Variants in KIF13A observed in about 807,000 individuals in gnomAD.
KIF13A encodes kinesin-like protein KIF13A.
In KIF13A, 79 loss-of-function variants were observed where a neutral mutation model predicts 212.2. That is an observed-to-expected ratio of 0.37 (90% CI 0.31 to 0.45). The LOEUF (loss-of-function observed/expected upper bound fraction) is 0.45. KIF13A is among the 20% of genes least tolerant of loss of function. The pLI, the probability that KIF13A is intolerant of heterozygous loss-of-function variation, is 1.00. For synonymous variants in KIF13A, 789 were observed against 808.6 expected, an observed-to-expected ratio of 0.98 and a Z score of 0.41; for missense variants, 1,901 against 2,209.0, an observed-to-expected ratio of 0.86 and a Z score of 2.79.
chr6:17,766,507 C>T (rs551251002), intron 38 of KIF13A, among the ~76,000 whole-genome samples: 5 of 152,056 alleles, frequency 3.3e-5, no homozygotes, highest in South Asian at 2.1e-4. Context: ...CAAAGTGCTG[C>T]GATTACAGGC....
intron 23 of KIF13A, among the ~76,000 whole-genome samples, chr6:17,795,498 G>A (rs1761953750): frequency 6.6e-6 from 1 of 151,886 alleles, no homozygotes; most frequent in Admixed American, 6.6e-5. Flanking sequence ...AGGAGGCTGA[G>A]GCAGGAGAAT....
At chr6:17,954,303 C>CAAAAA (rs71002291) in intron 2 of KIF13A, among the ~76,000 whole-genome samples, 2 of 107,216 alleles carry the variant, frequency 1.9e-5, no homozygotes, top group Non-Finnish European at 1.9e-5. Context: ...GACTCCATCT[C>CAAAAA]AAAAAAAAAA....
At chr6:17,976,951 A>T (rs1345933168) in intron 2 of KIF13A, among the ~76,000 whole-genome samples, 2 of 151,920 alleles carry the variant, frequency 1.3e-5, no homozygotes, top group East Asian at 3.9e-4. Flanking sequence ...AATATAAAAA[A>T]ATTAGCTGGG....
At chr6:17,939,774 C>T (rs777584261) in intron 2 of KIF13A, among the ~76,000 whole-genome samples, 4 of 152,016 alleles carry the variant, frequency 2.6e-5, no homozygotes, top group Non-Finnish European at 5.9e-5. Context: ...CTCACCTGGC[C>T]GGGCGTAGTG....
intron 20 of KIF13A, among the ~76,000 whole-genome samples, chr6:17,801,559 T>C (rs1201609181): frequency 6.6e-6 from 1 of 152,178 alleles, no homozygotes; most frequent in Non-Finnish European, 1.5e-5. Flanking sequence ...AATAACAGCA[T>C]AGAATAGTTG....
At position 17,786,784 on chromosome 6, in the gene KIF13A, C is replaced by T. The variant is rs952198182; in HGVS notation, c.3361+992G>A. 6.6e-6 allele frequency among the ~76,000 whole-genome samples: 1 copy of T among 152,134 alleles called. No homozygotes were observed. The highest frequency in any genetic ancestry group is 1.5e-5 in the Non-Finnish European group (1 of 68,024). ...TGAGTTTTCATTAGCAGCCTGAGCACACACACAAGGCGACATCACATGTTG... is the reference window on the plus strand; with the variant it reads ...TGAGTTTTCATTAGCAGCCTGAGCATACACACAAGGCGACATCACATGTTG... On this transcript the variant is annotated intron_variant, in intron 27 of 38. Transcript: ENST00000259711. This position sits in a 1 kb window ranked among gnomAD's most constrained non-coding sequence, Gnocchi z 5.4.
chr6:17,964,548 G>A (rs1779128615), intron 2 of KIF13A, among the ~76,000 whole-genome samples: 1 of 152,160 alleles, frequency 6.6e-6, no homozygotes. Context: ...AAAAGTCAGT[G>A]TTATCTACTT....
At chr6:17,782,139 G>A (rs907261350) in intron 29 of KIF13A, among the ~76,000 whole-genome samples, 22 of 151,150 alleles carry the variant, frequency 1.5e-4, no homozygotes, top group African/African-American at 2.7e-4. Flanking sequence ...GTTTCACCGC[G>A]TTGGCCAGGA....
Position 17,934,519 on chromosome 6 carries a change from G to A in KIF13A, c.147-36339C>T, listed in dbSNP as rs937067071. Among the ~76,000 whole-genome samples the A allele has an allele frequency of 3.9e-5, 6 of 152,174 alleles. No homozygotes were observed. Among genetic ancestry groups the A allele is most frequent in the Non-Finnish European group, 7.3e-5 (5 of 68,032 alleles). ...AAGACGCCGAAGGCCAGGCACCGTGGGTCATGCCTGTAATCCCAAAACTCT... is the reference window on the plus strand; with the variant it reads ...AAGACGCCGAAGGCCAGGCACCGTGAGTCATGCCTGTAATCCCAAAACTCT... On this transcript the variant is annotated intron_variant, in intron 2 of 38. Transcript: ENST00000259711. The surrounding 1 kb of genome is among the most constrained non-coding windows in gnomAD (Gnocchi z 5.4).
intron 2 of KIF13A, among the ~76,000 whole-genome samples, chr6:17,964,162 A>G (rs1373119206): frequency 6.6e-6 from 1 of 152,184 alleles, no homozygotes; most frequent in Non-Finnish European, 1.5e-5. Flanking sequence ...AATAAGGTTA[A>G]TTTTAAAGTA....
intron 2 of KIF13A, among the ~76,000 whole-genome samples, chr6:17,975,626 T>G (rs1780347423): frequency 6.6e-6 from 1 of 152,220 alleles, no homozygotes; most frequent in South Asian, 2.1e-4. Context: ...TATTCTCTTA[T>G]CTGGCCCCAC....
chr6:17,910,976 G>T (rs1303562318), intron 2 of KIF13A, among the ~76,000 whole-genome samples: 2 of 152,092 alleles, frequency 1.3e-5, no homozygotes, highest in Non-Finnish European at 2.9e-5. Flanking sequence ...TGTTAGCCAG[G>T]ATGGTCTCGA....
rs1774613135 is a variant in KIF13A, at chr6:17,917,290, G to C, written c.147-19110C>G. Among the ~76,000 whole-genome samples the C allele has an allele frequency of 2.1e-5, 3 of 146,112 alleles. No homozygotes were observed. In the South Asian group the frequency reaches 6.5e-4, roughly 32 times the overall value. ...GAGTCTCGCTCTGTTGCCCAGGCTG[G>C]AGTACAGTGGCACGACCTCAGCTCA... On this transcript the variant is annotated intron_variant, in intron 2 of 38. Transcript: ENST00000259711.
intron 2 of KIF13A, among the ~76,000 whole-genome samples, chr6:17,923,402 A>C (rs1561766701): frequency 6.6e-6 from 1 of 152,108 alleles, no homozygotes; most frequent in Non-Finnish European, 1.5e-5. Context: ...CAATTAGGAG[A>C]GATTAATCAA....
chr6:17,822,891 G>A (rs1294797315), intron 16 of KIF13A, among the ~76,000 whole-genome samples: 1 of 152,220 alleles, frequency 6.6e-6, no homozygotes, highest in Non-Finnish European at 1.5e-5. Context: ...AATGAATCTT[G>A]ACTCCTAGCT....
rs887512141 is a variant in KIF13A at position 17,794,825 on chromosome 6, A to G, written c.2943-121T>C. 8.0e-5 allele frequency: 82 copies of G among 1,028,444 alleles called. No homozygotes were observed. The East Asian group carries it at 1.7e-3, about 21-fold the overall frequency. The allele number at this position is 1,028,444 out of a possible 1,614,324, so 63.7% of individuals were successfully genotyped here. ...CTAGGCACTGTGCCATTTATCTTGT[A>G]TAAGTTACTTCCTTATTTAACTCTC... On this transcript the variant is annotated intron_variant, in intron 23 of 38. Coordinates refer to ENST00000259711, the MANE Select transcript of KIF13A (RefSeq NM_022113.6). This position sits in a 1 kb window ranked among gnomAD's most constrained non-coding sequence, Gnocchi z 4.1.
At chr6:17,817,380 A>G in intron 16 of KIF13A, 147 bp from the exon 17 acceptor site, 1 of 658,266 alleles carries the variant, frequency 1.5e-6, no homozygotes, top group Non-Finnish European at 2.7e-6. Context: ...GGGCCACATC[A>G]GGGAAATCCT....
intron 12 of KIF13A, 141 bp from the exon 13 acceptor site, chr6:17,831,376 G>A: frequency 1.1e-6 from 1 of 936,706 alleles, no homozygotes; most frequent in Non-Finnish European, 1.6e-6. Flanking sequence ...CACATTAACA[G>A]AGAGTCTACA....
chr6:17,780,689 G>A (rs375831071), intron 31 of KIF13A, 41 bp downstream of exon 31: 9 of 1,581,664 alleles, frequency 5.7e-6, no homozygotes, highest in Non-Finnish European at 7.8e-6. Flanking sequence ...AAAATCTTTT[G>A]AGCTCAGAGC....
Sources: gnomAD v4.1 joint callset for allele counts (sites outside exome capture counted in the v4.1 genomes callset) on GRCh38, gnomAD v4.1.1 for gene constraint, Gnocchi (gnomAD v3.1) non-coding constraint, MANE v1.5 for transcripts, NCBI Gene and HGNC (gene_info 2026-07-23, HGNC 2026-07-21) for gene names.